The following IL15 variants were observed in gnomAD, a reference collection of about 807,000 sequenced individuals.
IL15 encodes interleukin-15.
IL15 carries 11 observed loss-of-function variants against 19.6 expected under a neutral mutation model. That is an observed-to-expected ratio of 0.56 (90% CI 0.35 to 0.93). The LOEUF (loss-of-function observed/expected upper bound fraction) is 0.93, where lower values mean the gene tolerates loss of function less well. Among genes scored for constraint, IL15 ranks in the 40% least tolerant of loss-of-function variants. IL15 has a pLI of 0.01. For synonymous variants in IL15, 58 were observed against 59.6 expected, an observed-to-expected ratio of 0.97 and a Z score of 0.12; for missense variants, 197 against 186.5, an observed-to-expected ratio of 1.06 and a Z score of -0.33.
intron 1 of IL15, among the ~76,000 whole-genome samples, chr4:141,644,486 C>T (rs1201202186): frequency 6.6e-6 from 1 of 152,168 alleles, no homozygotes; most frequent in Non-Finnish European, 1.5e-5. Flanking sequence ...GCTGGCCAAG[C>T]ATCCATCTCT....
intron 2 of IL15, chr4:141,718,586 C>G (rs1729969786): frequency 6.6e-6 from 1 of 152,060 alleles, no homozygotes; most frequent in African/African-American, 2.4e-5. Context: ...TAAGTGTTAG[C>G]TTTTTCTTTC....
At chr4:141,703,159 T>C (rs1367024434) in intron 2 of IL15, among the ~76,000 whole-genome samples, 4 of 152,180 alleles carry the variant, frequency 2.6e-5, no homozygotes, top group South Asian at 2.1e-4. Flanking sequence ...AACTCAGACC[T>C]GCCTGAGGCC....
chr4:141,666,279 C>T (rs1164683673), intron 2 of IL15, among the ~76,000 whole-genome samples: 1 of 151,148 alleles, frequency 6.6e-6, no homozygotes, highest in Non-Finnish European at 1.5e-5. Flanking sequence ...TGGTGGCTCA[C>T]GCCTGTAATC....
At chr4:141,720,973 T>A in intron 4 of IL15, 1 of 586,216 alleles carries the variant, frequency 1.7e-6, no homozygotes, top group Non-Finnish European at 3.0e-6. Context: ...TTTAAAACAT[T>A]TCTTTCTTTA....
At chr4:141,732,703 A>T in intron 7 of IL15, 35 bp from the exon 8 acceptor site, 1 of 1,601,884 alleles carries the variant, frequency 6.2e-7, no homozygotes. Flanking sequence ...ATTTAATTAT[A>T]AATTGCCAAT....
In IL15 at chr4:141,674,923, G is replaced by A. The variant is rs1006169687; in HGVS notation, c.-100+18616G>A. Among the ~76,000 whole-genome samples, 7 of 149,856 alleles carry A rather than the reference G, an allele frequency of 4.7e-5. No homozygotes were observed. The Admixed American group carries it at 4.9e-4, about 11-fold the overall frequency. ...TGTAGATCAGAAGGCCAAGCAGGCT[G>A]GACTGGGTGTTCTACTTGGGGTCTC... On this transcript the variant is annotated intron_variant, in intron 2 of 7. Coordinates refer to ENST00000320650, the MANE Select transcript of IL15 (RefSeq NM_000585.5).
intron 1 of IL15, chr4:141,637,305 A>G (rs1159415427): frequency 6.6e-6 from 1 of 152,294 alleles, no homozygotes; most frequent in African/African-American, 2.4e-5. Context: ...GTGCGCGTCT[A>G]TCCCTACCTT....
At chr4:141,652,515 T>C (rs1459198074) in intron 1 of IL15, among the ~76,000 whole-genome samples, 1 of 152,136 alleles carries the variant, frequency 6.6e-6, no homozygotes. Flanking sequence ...AAGGTTAGTT[T>C]ACTTGTCAGA....
At chr4:141,652,665 G>T (rs528095423) in intron 1 of IL15, among the ~76,000 whole-genome samples, 36 of 152,196 alleles carry the variant, frequency 2.4e-4, no homozygotes, top group African/African-American at 8.7e-4. Context: ...TAATCAGCAA[G>T]AATAATAAAC....
intron 5 of IL15, 43 bp from the exon 6 acceptor site, chr4:141,727,897 C>A (rs771910638): frequency 2.5e-6 from 2 of 814,164 alleles, no homozygotes. Flanking sequence ...ATATTTAAAG[C>A]AGGGCATAGT....
intron 5 of IL15, among the ~76,000 whole-genome samples, chr4:141,723,429 C>T (rs534845287): frequency 8.4e-4 from 128 of 152,216 alleles, no homozygotes; most frequent in Non-Finnish European, 1.5e-3. Context: ...CAGAGTGATG[C>T]GGCTATAAGC....
At chr4:141,699,190 G>T (rs1206137328) in intron 2 of IL15, among the ~76,000 whole-genome samples, 1 of 152,082 alleles carries the variant, frequency 6.6e-6, no homozygotes, top group Non-Finnish European at 1.5e-5. Context: ...GGTCTGAGAA[G>T]ATACTTGATA....
chr4:141,704,682 T>C (rs1030956599), intron 2 of IL15: 59 of 253,476 alleles, frequency 2.3e-4, no homozygotes, highest in African/African-American at 1.3e-3. Context: ...GGTCTTTTCT[T>C]TGATGATGGA....
At chr4:141,665,722 C>T (rs1727948888) in intron 2 of IL15, among the ~76,000 whole-genome samples, 1 of 151,976 alleles carries the variant, frequency 6.6e-6, no homozygotes, top group African/African-American at 2.4e-5. Context: ...ATATTCATTC[C>T]TAACTATGGT....
At chr4:141,645,954 T>G (rs2152152710) in intron 1 of IL15, among the ~76,000 whole-genome samples, 1 of 152,166 alleles carries the variant, frequency 6.6e-6, no homozygotes, top group Non-Finnish European at 1.5e-5. Flanking sequence ...AGAGAGGAAG[T>G]TGGAGCTGTA....
At chr4:141,645,197 C>A (rs1236120776) in intron 1 of IL15, among the ~76,000 whole-genome samples, 3 of 152,060 alleles carry the variant, frequency 2.0e-5, no homozygotes, top group Admixed American at 2.0e-4. Flanking sequence ...AAGACATAAC[C>A]AGAAAATCCT....
intron 2 of IL15, among the ~76,000 whole-genome samples, chr4:141,701,372 G>A (rs1188738317): frequency 1.3e-5 from 2 of 151,610 alleles, no homozygotes; most frequent in Non-Finnish European, 2.9e-5. Context: ...GGTGCTTTTA[G>A]GGTGAAGACT....
At chr4:141,668,359 C>G (rs1417247354) in intron 2 of IL15, among the ~76,000 whole-genome samples, 1 of 152,338 alleles carries the variant, frequency 6.6e-6, no homozygotes, top group East Asian at 1.9e-4. Flanking sequence ...CAGTGCAAGC[C>G]TCTGACTCTC....
At chr4:141,722,664 T>C (rs147188462) in intron 5 of IL15, among the ~76,000 whole-genome samples, 3 of 152,210 alleles carry the variant, frequency 2.0e-5, no homozygotes, top group East Asian at 3.9e-4. Flanking sequence ...AAGTTACAAC[T>C]TAAATGAGAA....
Sources: gnomAD v4.1 joint callset for allele counts (sites outside exome capture counted in the v4.1 genomes callset) on GRCh38, gnomAD v4.1.1 for gene constraint, MANE v1.5 for transcripts, NCBI Gene and HGNC (gene_info 2026-07-23, HGNC 2026-07-21) for gene names.